The following KCNQ1 variants were observed in gnomAD, a reference collection of about 807,000 sequenced individuals.
KCNQ1 encodes the protein potassium voltage-gated channel subfamily Q member 1.
In KCNQ1, 49 loss-of-function variants were observed where a neutral mutation model predicts 72.4. The ratio of observed to expected loss-of-function variants is 0.68; its 90% CI spans 0.54 to 0.86. The LOEUF (loss-of-function observed/expected upper bound fraction) is 0.86, where lower values mean the gene tolerates loss of function less well. Ranked by LOEUF, KCNQ1 falls within the 40% of genes least tolerant of loss-of-function variation. The probability of loss-of-function intolerance (pLI) is 0.00; values close to 1 mark genes in which losing one functional copy is unlikely to be tolerated. For synonymous variants in KCNQ1, 450 were observed against 412.6 expected (o/e 1.09, Z -1.10); for missense variants, 790 against 945.1 (o/e 0.84, Z 2.15).
rs537067528 is a variant in KCNQ1, at chr11:2,588,418, C to T, written c.1252-295C>T. ...ATGCATTCTCCCCTACTGGTCACAGCCCCTGTTACCACCTCCACTGGCACC... is the reference window on the plus strand; with the variant it reads ...ATGCATTCTCCCCTACTGGTCACAGTCCCTGTTACCACCTCCACTGGCACC... On this transcript the variant is annotated intron_variant, in intron 9 of 15. Transcript: ENST00000155840. This position sits in a 1 kb window ranked among gnomAD's most constrained non-coding sequence, Gnocchi z 5.6. Among the ~76,000 whole-genome samples, 1 of 152,338 alleles carries T rather than the reference C, an allele frequency of 6.6e-6. No individual in the cohort carries two copies. The highest frequency in any genetic ancestry group is 2.1e-4 in the South Asian group (1 of 4,834).
rs1258445422 is a variant in KCNQ1, at chr11:2,626,619, C to G, written c.1394-35342C>G. On this transcript the variant is annotated intron_variant, in intron 10 of 15. Transcript: ENST00000155840. This position sits in a 1 kb window ranked among gnomAD's most constrained non-coding sequence, Gnocchi z 4.0. ...TCACTGCTTACTGCCACCTCAATCT[C>G]CCAGGCTCAAGCAATCCTCCCACCT... The G allele has an allele frequency of 7.5e-6, 3 of 398,640 alleles. No homozygotes were observed. The South Asian group carries it at 3.8e-4, about 51-fold the overall frequency. The allele number at this position is 398,640 out of a possible 1,614,324, so 24.7% of individuals were successfully genotyped here.
chr11:2,697,735 TG>T (rs2133899867), intron 11 of KCNQ1: 1 of 398,630 alleles, frequency 2.5e-6, no homozygotes, highest in East Asian at 3.6e-5. Context: ...GTTTAAGAAT[TG>T]TTGTTTAATA....
At chr11:2,765,292 A>G (rs924530676) in intron 11 of KCNQ1, among the ~76,000 whole-genome samples, 10 of 152,208 alleles carry the variant, frequency 6.6e-5, no homozygotes, top group African/African-American at 2.4e-4. Context: ...TCCAAAATAC[A>G]TGGAGATTCC....
chr11:2,617,747 C>T lies in KCNQ1; in HGVS notation c.1393+28893C>T, dbSNP rs1339158641. The T allele has an allele frequency of 7.5e-6, 3 of 398,376 alleles. No homozygotes were observed. Among genetic ancestry groups the T allele is most frequent in the Non-Finnish European group, 1.3e-5 (3 of 226,016 alleles). The allele number at this position is 398,376 out of a possible 1,614,324, so 24.7% of individuals were successfully genotyped here. A position where few individuals can be genotyped will look rare whatever the true frequency, so the allele number is the denominator to read the frequency against. On this transcript the variant is annotated intron_variant, in intron 10 of 15. Transcript: ENST00000155840. This position sits in a 1 kb window ranked among gnomAD's most constrained non-coding sequence, Gnocchi z 4.6. ...TATTCTCATGAGTGTGAGGTGATAT[C>T]GCATAGTAATTTTGATTTGCATTTC...
At chr11:2,834,017 C>T (rs2134072245) in intron 15 of KCNQ1, among the ~76,000 whole-genome samples, 1 of 152,356 alleles carries the variant, frequency 6.6e-6, no homozygotes, top group South Asian at 2.1e-4. Flanking sequence ...ACAAGGAGTG[C>T]AGCCAGGGGC....
rs890147871 is a variant in KCNQ1, at chr11:2,847,996, G to T, written c.2024G>T (p.Gly675Val). 2 of 1,540,424 alleles carry T rather than the reference G, an allele frequency of 1.3e-6. No homozygotes were observed. The highest frequency in any genetic ancestry group is 4.8e-5 in the East Asian group (2 of 41,580). Residue 675 changes from glycine (G) to valine (V), a missense_variant, in exon 16 of 16, where the codon GGG becomes GTG. Gly to Val is a moderately radical substitution (Grantham distance 109). Transcript: ENST00000155840. ...LTVPRRGPDE[G>V]S ...GTGCCCAGGAGGGGCCCCGATGAGG[G>T]GTCCTGAGGAGGGGATGGGGCTGGG... is the stretch of plus-strand genomic sequence containing the variant.
At position 2,664,682 on chromosome 11, in the gene KCNQ1, G is replaced by A. The variant is rs1224156702; in HGVS notation, c.1514+2601G>A. The A allele has an allele frequency of 4.3e-5, 17 of 398,680 alleles. No homozygotes were observed. The East Asian group carries it at 6.1e-4, about 14-fold the overall frequency. 24.7% of individuals were successfully genotyped at this position (398,680 alleles called of 1,614,324 possible). On this transcript the variant is annotated intron_variant, in intron 11 of 15. Coordinates refer to ENST00000155840, the MANE Select transcript of KCNQ1 (RefSeq NM_000218.3). This position sits in a 1 kb window ranked among gnomAD's most constrained non-coding sequence, Gnocchi z 5.1. ...GCAGCGAAGCTCCTGTGGGCAGCCT[G>A]GCCCCATGGACCCTGAACTGGGAAG...
At chr11:2,796,664 G>A (rs1291752456) in intron 15 of KCNQ1, among the ~76,000 whole-genome samples, 1 of 152,224 alleles carries the variant, frequency 6.6e-6, no homozygotes, top group East Asian at 1.9e-4. Flanking sequence ...AGCTGGGCCT[G>A]AAGATAATGG....
At chr11:2,791,941 A>C (rs1181414283) in intron 15 of KCNQ1, among the ~76,000 whole-genome samples, 1 of 152,204 alleles carries the variant, frequency 6.6e-6, no homozygotes, top group Admixed American at 6.5e-5. Flanking sequence ...TTGCCGCGCG[A>C]ACAGCCTTTC....
rs138036177 is a variant in KCNQ1 at position 2,675,565 on chromosome 11, C to T, written c.1514+13484C>T. The T allele has an allele frequency of 3.3e-5, 13 of 398,656 alleles. No homozygotes were observed. In the East Asian group the frequency reaches 3.6e-4, roughly 11 times the overall value. 24.7% of individuals were successfully genotyped at this position (398,656 alleles called of 1,614,324 possible). On this transcript the variant is annotated intron_variant, in intron 11 of 15. Transcript: ENST00000155840. ...ACTGGAAATTCTGTAATAAGACATA[C>T]GTAACAGTTTCACTTCCTAGGAGAT...
chr11:2,560,229 C>G (rs1275467927), intron 2 of KCNQ1, among the ~76,000 whole-genome samples: 2 of 53,000 alleles, frequency 3.8e-5, no homozygotes, highest in South Asian at 1.9e-3. Flanking sequence ...GACGTCCATC[C>G]TTGGGGGATG....
intron 6 of KCNQ1, among the ~76,000 whole-genome samples, chr11:2,577,284 T>C (rs1848435912): frequency 6.6e-6 from 1 of 152,198 alleles, no homozygotes; most frequent in Non-Finnish European, 1.5e-5. Context: ...GGGGCTGGCC[T>C]GTGGTGGTTC....
rs555406394 is a variant in KCNQ1, at chr11:2,728,472, G to A, written c.1515-40372G>A. 3.5e-4 allele frequency among the ~76,000 whole-genome samples: 54 copies of A among 152,370 alleles called. No individual in the cohort carries two copies. The South Asian group carries it at 3.7e-3, about 11-fold the overall frequency. On this transcript the variant is annotated intron_variant, in intron 11 of 15. Transcript: ENST00000155840. Reference sequence around the variant, plus strand: ...GGTGCTTGGTGACAAGAGCTAGGCTGGCTTCCTACTAATTCTGCAGCCTCT... The same window carrying A: ...GGTGCTTGGTGACAAGAGCTAGGCTAGCTTCCTACTAATTCTGCAGCCTCT...
At chr11:2,460,124 G>T (rs922280139) in intron 1 of KCNQ1, among the ~76,000 whole-genome samples, 1 of 152,074 alleles carries the variant, frequency 6.6e-6, no homozygotes, top group Non-Finnish European at 1.5e-5. Flanking sequence ...CAGTGCCCAT[G>T]GGCAGCAGAG....
At chr11:2,619,890 T>A in intron 10 of KCNQ1, 1 of 398,522 alleles carries the variant, frequency 2.5e-6, no homozygotes, top group Non-Finnish European at 4.4e-6. Flanking sequence ...AGGGTATATG[T>A]ACAGGTCTAT....
At position 2,527,999 on chromosome 11, in the gene KCNQ1, C is replaced by A; in HGVS notation, c.458C>A (p.Thr153Lys). The part of the protein sequence containing the change: ...STIEQYAALA[T>K]GTLFWMEIVL... ...ATCGAGCAGTATGCCGCCCTGGCCA[C>A]GGGGACTCTCTTCTGGATGGTACGT... Residue 153 changes from threonine to lysine, a missense_variant, in exon 2 of 16, where the codon ACG becomes AAG. Physicochemically the swap from Thr to Lys is moderately conservative, Grantham distance 78. Coordinates refer to ENST00000155840, the MANE Select transcript of KCNQ1 (RefSeq NM_000218.3). 6.2e-7 allele frequency: 1 copy of A among 1,613,682 alleles called. No individual in the cohort carries two copies. The highest frequency in any genetic ancestry group is 1.1e-5 in the South Asian group (1 of 91,080).
chr11:2,692,616 A>T, intron 11 of KCNQ1: 2 of 398,618 alleles, frequency 5.0e-6, no homozygotes, highest in East Asian at 7.1e-5. Flanking sequence ...CCTGCTATAC[A>T]CCTGCTGTGC....
intron 10 of KCNQ1, chr11:2,609,386 C>T (rs887338799): frequency 5.0e-6 from 2 of 398,278 alleles, no homozygotes; most frequent in Admixed American, 8.8e-5. Flanking sequence ...GAAAAAGATA[C>T]CTTGTATTAT....
In KCNQ1 at chr11:2,816,967, C is replaced by T. The variant is rs1260549476; in HGVS notation, c.1795-30800C>T. On this transcript the variant is annotated intron_variant, in intron 15 of 15. Coordinates refer to ENST00000155840, the MANE Select transcript of KCNQ1 (RefSeq NM_000218.3). The surrounding 1 kb of genome is among the most constrained non-coding windows in gnomAD (Gnocchi z 6.8). ...TGCCTCTGGAGGTCCCCTCCAAAACCTTGGTCCCTGTCCGCAGAGGGTGTC... is the reference window on the plus strand; with the variant it reads ...TGCCTCTGGAGGTCCCCTCCAAAACTTTGGTCCCTGTCCGCAGAGGGTGTC... Among the ~76,000 whole-genome samples, 1 of 152,148 alleles carries T rather than the reference C, an allele frequency of 6.6e-6. No homozygotes were observed. The highest frequency in any genetic ancestry group is 2.4e-5 in the African/African-American group (1 of 41,444).
Sources: gnomAD v4.1 joint callset for allele counts (sites outside exome capture counted in the v4.1 genomes callset) on GRCh38, gnomAD v4.1.1 for gene constraint, Gnocchi (gnomAD v3.1) non-coding constraint, MANE v1.5 for transcripts, NCBI Gene and HGNC (gene_info 2026-07-23, HGNC 2026-07-21) for gene names.